The following VPS53 variants were observed in gnomAD, a reference collection of about 807,000 sequenced individuals.
VPS53 encodes vacuolar protein sorting-associated protein 53 homolog.
VPS53 carries 70 observed loss-of-function variants against 107.0 expected under a neutral mutation model. That is an observed-to-expected ratio of 0.65 (90% CI 0.54 to 0.80). The LOEUF is 0.80. Among genes scored for constraint, VPS53 ranks in the 30% least tolerant of loss-of-function variants. The pLI is 0.00. For missense variants in VPS53, 917 were observed against 1,049.4 expected (o/e 0.87, Z 1.74); for synonymous variants, 409 against 393.3 (o/e 1.04, Z -0.47).
intron 4 of VPS53, chr17:676,538 G>C (rs1396533729): frequency 1.3e-5 from 2 of 152,228 alleles, no homozygotes; most frequent in Non-Finnish European, 2.9e-5. Flanking sequence ...TTGAGACGCA[G>C]AGTCTAGTTT....
chr17:673,900 G>A (rs1399622910), intron 4 of VPS53: 1 of 152,188 alleles, frequency 6.6e-6, no homozygotes, highest in Non-Finnish European at 1.5e-5. Flanking sequence ...TTGTTTTCAG[G>A]AGACAAGCCA....
At chr17:697,555 A>G in intron 3 of VPS53, 71 bp from the exon 4 acceptor site, 4 of 1,313,074 alleles carry the variant, frequency 3.0e-6, no homozygotes, top group Admixed American at 1.8e-5. Flanking sequence ...GAAAAAAAGT[A>G]AAAAGTAATT....
intron 17 of VPS53, among the ~76,000 whole-genome samples, chr17:546,007 T>C (rs1911155682): frequency 6.6e-6 from 1 of 152,286 alleles, no homozygotes; most frequent in East Asian, 1.9e-4. Flanking sequence ...AGGGTGGACA[T>C]ACAGATAGAT....
chr17:693,853 G>A (rs530210318), intron 4 of VPS53, among the ~76,000 whole-genome samples: 1 of 152,282 alleles, frequency 6.6e-6, no homozygotes, highest in African/African-American at 2.4e-5. Context: ...GTGTTCTTCA[G>A]AAGCTTAGGA....
intron 4 of VPS53, among the ~76,000 whole-genome samples, chr17:665,225 C>A (rs1971631387): frequency 6.6e-6 from 1 of 152,160 alleles, no homozygotes; most frequent in Admixed American, 6.5e-5. Flanking sequence ...ACTTTCTTGC[C>A]TTCCAACTCT....
intron 7 of VPS53, among the ~76,000 whole-genome samples, chr17:645,104 T>A (rs1970633248): frequency 6.6e-6 from 1 of 152,186 alleles, no homozygotes; most frequent in South Asian, 2.1e-4. Context: ...TCCTTCAAAT[T>A]TTTAAAACTA....
At position 519,490 on chromosome 17, in the gene VPS53, A is replaced by G. The variant is rs1038178546; in HGVS notation, c.2329-192T>C. ...TAGCGTGGGAGGAAAAGAGAGGGGA[A>G]GAAAAGGTAAAGGAAGGGAAAGAAG... On this transcript the variant is annotated intron_variant, in intron 21 of 21. Coordinates refer to ENST00000437048, the MANE Select transcript of VPS53 (RefSeq NM_001128159.3). The surrounding 1 kb of genome is among the most constrained non-coding windows in gnomAD (Gnocchi z 5.0). 1.3e-5 allele frequency among the ~76,000 whole-genome samples: 2 copies of G among 152,196 alleles called. No homozygotes were observed. Among genetic ancestry groups the G allele is most frequent in the African/African-American group, 4.8e-5 (2 of 41,444 alleles).
chr17:607,915 C>T (rs60653566), intron 11 of VPS53, among the ~76,000 whole-genome samples: 1,947 of 152,198 alleles, frequency 0.013, 42 homozygotes, highest in African/African-American at 0.044. Context: ...ATCCGTATCT[C>T]GTCTGCCTAC....
At chr17:564,719 GAA>G (rs71145752) in intron 13 of VPS53, among the ~76,000 whole-genome samples, 1 of 148,330 alleles carries the variant, frequency 6.7e-6, no homozygotes, top group Non-Finnish European at 1.5e-5. Context: ...TTGATATCTG[GAA>G]AAAAAAAACA....
chr17:613,747 T>C (rs34340404), intron 11 of VPS53, among the ~76,000 whole-genome samples: 2 of 150,136 alleles, frequency 1.3e-5, no homozygotes, highest in Admixed American at 6.6e-5. Context: ...CAGATATTCA[T>C]AGCAGTATTC....
chr17:580,625 G>C (rs1390658074), intron 13 of VPS53, among the ~76,000 whole-genome samples: 1 of 141,968 alleles, frequency 7.0e-6, no homozygotes, highest in Admixed American at 7.0e-5. Flanking sequence ...AACCTAATGT[G>C]TTCCCAGAGA....
chr17:641,789 A>G (rs993531258), intron 7 of VPS53, among the ~76,000 whole-genome samples: 9 of 152,194 alleles, frequency 5.9e-5, no homozygotes, highest in Admixed American at 1.3e-4. Context: ...GTCCGCCTAC[A>G]ACTCATAGAG....
chr17:685,602 CATGT>C (rs1426114132), intron 4 of VPS53, among the ~76,000 whole-genome samples: 1 of 152,126 alleles, frequency 6.6e-6, no homozygotes, highest in Non-Finnish European at 1.5e-5. Flanking sequence ...CAGTAAATTA[CATGT>C]ATTAATAAAT....
intron 15 of VPS53, among the ~76,000 whole-genome samples, chr17:559,910 C>G (rs993633603): frequency 2.0e-5 from 3 of 152,194 alleles, no homozygotes; most frequent in African/African-American, 7.2e-5. Context: ...GAGGCATCAC[C>G]CTTTCCTGTC....
In VPS53 at chr17:652,685, A is replaced by G. The variant is rs370838119; in HGVS notation, c.608+606T>C. 3.0e-4 allele frequency among the ~76,000 whole-genome samples: 45 copies of G among 152,356 alleles called. No homozygotes were observed. In the South Asian group the frequency reaches 9.3e-3, roughly 32 times the overall value. ...GCTAATGCTGCACGGAGCAGGGATG[A>G]GCTGGTCCCCGAGCCAGGCCAAATT... On this transcript the variant is annotated intron_variant, in intron 7 of 21. Transcript: ENST00000437048.
chr17:553,371 GGTA>G lies in VPS53; in HGVS notation c.1787+6_1787+8del. ...GCAGGCAGCCAGTAAGTGTGTGCAG[GGTA>G]CATACGTGCTGAACGTGTCCATCTC... is the stretch of plus-strand genomic sequence containing the variant. On this transcript the variant is annotated splice_donor_region_variant and intron_variant, in intron 16 of 21. Transcript: ENST00000437048. 1 of 1,613,620 alleles carries G rather than the reference GGTA, an allele frequency of 6.2e-7. No homozygotes were observed. Among genetic ancestry groups the G allele is most frequent in the Non-Finnish European group, 8.5e-7 (1 of 1,179,684 alleles).
Position 627,304 on chromosome 17 carries a change from C to G in VPS53, c.844G>C (p.Asp282His), listed in dbSNP as rs1357097433. Residue 282 changes from aspartate (D) to histidine (H), a missense_variant, in exon 10 of 22, where the codon GAC becomes CAC. Physicochemically the swap from Asp to His is moderately conservative, Grantham distance 81. Transcript: ENST00000437048. The part of the protein sequence containing the change: ...FQENQDVAWL[D>H]KIDRRYAWIK... ...CAGGCATAGCGTCTGTCGATTTTGT[C>G]CAGCCAGGCAACCTGGTGAAGGTGG... The G allele has an allele frequency of 6.2e-7, 1 of 1,613,332 alleles. No homozygotes were observed. The highest frequency in any genetic ancestry group is 8.5e-7 in the Non-Finnish European group (1 of 1,179,722).
chr17:524,725 C>T lies in VPS53; in HGVS notation c.2086-2987G>A, dbSNP rs555929991. ...AGAAGTAAACAGATTATTTGATAAT[C>T]AAGTGTGGGCACGGCCATGGCACTG... On this transcript the variant is annotated intron_variant, in intron 19 of 21. Coordinates refer to ENST00000437048, the MANE Select transcript of VPS53 (RefSeq NM_001128159.3). This position sits in a 1 kb window ranked among gnomAD's most constrained non-coding sequence, Gnocchi z 4.5. Among the ~76,000 whole-genome samples the T allele has an allele frequency of 6.6e-6, 1 of 152,268 alleles. No homozygotes were observed. Among genetic ancestry groups the T allele is most frequent in the East Asian group, 1.9e-4 (1 of 5,190 alleles).
chr17:557,509 A>G (rs1425166321), intron 15 of VPS53, among the ~76,000 whole-genome samples: 2 of 152,166 alleles, frequency 1.3e-5, no homozygotes, highest in Non-Finnish European at 1.5e-5. Context: ...TCTTGAGATG[A>G]CACTAATAGT....
Sources: gnomAD v4.1 joint callset for allele counts (sites outside exome capture counted in the v4.1 genomes callset) on GRCh38, gnomAD v4.1.1 for gene constraint, Gnocchi (gnomAD v3.1) non-coding constraint, MANE v1.5 for transcripts, NCBI Gene and HGNC (gene_info 2026-07-23, HGNC 2026-07-21) for gene names.